The following GALNTL6 variants were observed in gnomAD, a reference collection of about 807,000 sequenced individuals.
GALNTL6 encodes polypeptide N-acetylgalactosaminyltransferase-like 6.
GALNTL6 carries 46 observed loss-of-function variants against 73.7 expected under a neutral mutation model. That is an observed-to-expected ratio of 0.62 (90% CI 0.49 to 0.80). The LOEUF is 0.80. Ranked by LOEUF, GALNTL6 falls within the 30% of genes least tolerant of loss-of-function variation. The probability of loss-of-function intolerance (pLI) is 0.00; values close to 1 mark genes in which losing one functional copy is unlikely to be tolerated. For synonymous variants in GALNTL6, 259 were observed against 263.7 expected, an observed-to-expected ratio of 0.98 and a Z score of 0.17; for missense variants, 604 against 755.0, an observed-to-expected ratio of 0.80 and a Z score of 2.34.
At chr4:172,844,375 A>G (rs900511790) in intron 7 of GALNTL6, among the ~76,000 whole-genome samples, 3 of 152,216 alleles carry the variant, frequency 2.0e-5, no homozygotes, top group Admixed American at 6.5e-5. Flanking sequence ...TTCATTTCAC[A>G]GAGAAAAAAC....
At chr4:172,580,750 TTTTTG>T (rs1455145172) in intron 5 of GALNTL6, among the ~76,000 whole-genome samples, 6 of 152,152 alleles carry the variant, frequency 3.9e-5, no homozygotes, top group African/African-American at 9.7e-5. Context: ...AACTGTAGGA[TTTTTG>T]TTTTGTTTTG....
At chr4:172,260,189 A>G (rs1015341505) in intron 3 of GALNTL6, among the ~76,000 whole-genome samples, 1 of 151,692 alleles carries the variant, frequency 6.6e-6, no homozygotes, top group Non-Finnish European at 1.5e-5. Flanking sequence ...TTTTGGCAGT[A>G]TGGTCATTTT....
chr4:173,004,279 C>G (rs553126199), intron 10 of GALNTL6, among the ~76,000 whole-genome samples: 1 of 152,144 alleles, frequency 6.6e-6, no homozygotes, highest in African/African-American at 2.4e-5. Context: ...TTCTGTGTTA[C>G]CCTAGTGTCT....
At chr4:171,861,864 T>C (rs540511263) in intron 2 of GALNTL6, among the ~76,000 whole-genome samples, 11 of 152,338 alleles carry the variant, frequency 7.2e-5, no homozygotes, top group African/African-American at 2.6e-4. Context: ...ATATTATTAA[T>C]GTCTGATGCT....
intron 5 of GALNTL6, among the ~76,000 whole-genome samples, chr4:172,614,612 T>C (rs982210246): frequency 2.0e-5 from 3 of 152,192 alleles, no homozygotes; most frequent in African/African-American, 7.2e-5. Context: ...TGATAACTTA[T>C]TCTGAAGAGA....
intron 5 of GALNTL6, among the ~76,000 whole-genome samples, chr4:172,446,994 A>G (rs190490372): frequency 6.6e-6 from 1 of 152,248 alleles, no homozygotes; most frequent in East Asian, 1.9e-4. Flanking sequence ...TTCCACATAT[A>G]TTCCTACTTG....
chr4:172,431,692 CA>C (rs1182320070), intron 5 of GALNTL6, among the ~76,000 whole-genome samples: 2 of 152,002 alleles, frequency 1.3e-5, no homozygotes, highest in Non-Finnish European at 2.9e-5. Flanking sequence ...GATTTCATAA[CA>C]TAATTTAAAA....
intron 9 of GALNTL6, among the ~76,000 whole-genome samples, chr4:172,935,238 A>G (rs1209232268): frequency 2.0e-5 from 3 of 152,210 alleles, no homozygotes; most frequent in Non-Finnish European, 4.4e-5. Flanking sequence ...AGACAAGGTT[A>G]GAACCAACCC....
At chr4:172,329,149 A>T (rs1188533597) in intron 4 of GALNTL6, among the ~76,000 whole-genome samples, 1 of 152,214 alleles carries the variant, frequency 6.6e-6, no homozygotes, top group Non-Finnish European at 1.5e-5. Context: ...TTGGTGGTCC[A>T]TACCAGCCTC....
At chr4:172,156,295 C>T (rs1425562270) in intron 2 of GALNTL6, among the ~76,000 whole-genome samples, 8 of 152,000 alleles carry the variant, frequency 5.3e-5, no homozygotes, top group Non-Finnish European at 1.2e-4. Context: ...AGCCTTGGGG[C>T]TGGGCCTGAG....
chr4:172,171,701 G>A (rs536815599), intron 2 of GALNTL6, among the ~76,000 whole-genome samples: 113 of 151,914 alleles, frequency 7.4e-4, no homozygotes, highest in Middle Eastern at 3.4e-3. Flanking sequence ...TTAGCCGGGT[G>A]GTGGCACGTG....
In GALNTL6 at chr4:172,926,886, T is replaced by C. The variant is rs530946648; in HGVS notation, c.1042-4275T>C. Among the ~76,000 whole-genome samples the C allele has an allele frequency of 1.6e-4, 25 of 152,322 alleles. No homozygotes were observed. The South Asian group carries it at 5.0e-3, about 30-fold the overall frequency. ...CTCAAATAATTACAGTCACTAAATT[T>C]GATTAAAAATATCAGAAGAGGCTGA... On this transcript the variant is annotated intron_variant, in intron 8 of 12. Transcript: ENST00000506823.
intron 2 of GALNTL6, among the ~76,000 whole-genome samples, chr4:172,218,615 C>T (rs1736571779): frequency 6.6e-6 from 1 of 152,176 alleles, no homozygotes; most frequent in Middle Eastern, 3.4e-3. Flanking sequence ...GCTGTGAAAT[C>T]TCAGTTTTCT....
intron 2 of GALNTL6, among the ~76,000 whole-genome samples, chr4:172,119,013 A>G (rs147147878): frequency 2.9e-4 from 44 of 152,212 alleles, no homozygotes; most frequent in Non-Finnish European, 5.1e-4. Flanking sequence ...TATTCACAAT[A>G]AAGTTATTTC....
At chr4:172,447,801 G>C (rs930780908) in intron 5 of GALNTL6, among the ~76,000 whole-genome samples, 1 of 152,076 alleles carries the variant, frequency 6.6e-6, no homozygotes, top group Admixed American at 6.6e-5. Flanking sequence ...AGTGCACACA[G>C]TATTTATTAC....
At chr4:172,837,650 T>TAA (rs1287456681) in intron 7 of GALNTL6, among the ~76,000 whole-genome samples, 1 of 152,246 alleles carries the variant, frequency 6.6e-6, no homozygotes, top group African/African-American at 2.4e-5. Flanking sequence ...ATTTTGCCCT[T>TAA]ACAGCCAATA....
intron 5 of GALNTL6, among the ~76,000 whole-genome samples, chr4:172,493,554 T>A (rs1029164833): frequency 2.0e-5 from 3 of 152,156 alleles, no homozygotes; most frequent in African/African-American, 7.2e-5. Flanking sequence ...TGGTACCAGG[T>A]TTAACCGACA....
intron 5 of GALNTL6, among the ~76,000 whole-genome samples, chr4:172,485,739 G>A (rs1237870964): frequency 6.6e-6 from 1 of 152,008 alleles, no homozygotes; most frequent in Admixed American, 6.6e-5. Context: ...TATGTCCTGG[G>A]GCATTGTTTT....
At chr4:171,825,857 A>T (rs187717551) in intron 2 of GALNTL6, among the ~76,000 whole-genome samples, 17 of 152,284 alleles carry the variant, frequency 1.1e-4, no homozygotes, top group African/African-American at 3.8e-4. Flanking sequence ...ATTCTGTTGA[A>T]CATCACCGTG....
Sources: allele counts gnomAD v4.1 joint callset (sites outside exome capture counted in the v4.1 genomes callset), GRCh38; gene constraint gnomAD v4.1.1; transcripts MANE v1.5; gene names NCBI Gene and HGNC (gene_info 2026-07-23, HGNC 2026-07-21).